The following RYK variants were observed in gnomAD, a reference collection of about 807,000 sequenced individuals.
RYK encodes the protein inactive tyrosine-protein kinase RYK.
A neutral mutation model predicts 70.2 loss-of-function variants in RYK; 21 were observed. That is an observed-to-expected ratio of 0.30 (90% CI 0.21 to 0.43). RYK has a LOEUF of 0.43. Ranked by LOEUF, RYK falls within the 20% of genes least tolerant of loss-of-function variation. The probability of loss-of-function intolerance (pLI) is 1.00; values close to 1 mark genes in which losing one functional copy is unlikely to be tolerated. For synonymous variants in RYK, 267 were observed against 278.0 expected (o/e 0.96, Z 0.39); for missense variants, 604 against 753.3 (o/e 0.80, Z 2.32).
intron 12 of RYK, 30 bp from the exon 13 acceptor site, chr3:134,175,798 C>A: frequency 6.2e-7 from 1 of 1,611,246 alleles, no homozygotes; most frequent in South Asian, 1.1e-5. Flanking sequence ...ACATCAAATG[C>A]AATCAGAGTA....
intron 1 of RYK, among the ~76,000 whole-genome samples, chr3:134,229,354 TCTCTCCCTTG>T (rs2014995384): frequency 8.6e-6 from 1 of 115,686 alleles, no homozygotes; most frequent in Non-Finnish European, 1.7e-5. Context: ...TCTCCTTCCC[TCTCTCCCTTG>T]CTCTCCTTTG....
intron 6 of RYK, among the ~76,000 whole-genome samples, chr3:134,200,429 C>A (rs189291031): frequency 1.2e-4 from 19 of 152,168 alleles, no homozygotes; most frequent in Admixed American, 2.0e-4. Context: ...CCGGACACAT[C>A]TGAACATCTG....
chr3:134,243,452 C>T (rs867910816), intron 1 of RYK, among the ~76,000 whole-genome samples: 2 of 152,204 alleles, frequency 1.3e-5, no homozygotes, highest in Non-Finnish European at 2.9e-5. Flanking sequence ...TAACCCAGAC[C>T]TGACTGCGCA....
chr3:134,175,540 A>C, intron 13 of RYK, 69 bp downstream of exon 13: 1 of 1,529,984 alleles, frequency 6.5e-7, no homozygotes, highest in Non-Finnish European at 8.8e-7. Context: ...AAAGATAAAA[A>C]TAGTAGAACA....
intron 2 of RYK, among the ~76,000 whole-genome samples, chr3:134,216,451 G>C (rs1560020155): frequency 6.6e-6 from 1 of 152,070 alleles, no homozygotes; most frequent in Non-Finnish European, 1.5e-5. Context: ...TGGGTAGTGG[G>C]AATATTCTGC....
At chr3:134,228,653 A>G (rs2014972992) in intron 1 of RYK, among the ~76,000 whole-genome samples, 1 of 152,228 alleles carries the variant, frequency 6.6e-6, no homozygotes, top group South Asian at 2.1e-4. Flanking sequence ...AAGAAAAAAA[A>G]AGTTGATATC....
intron 6 of RYK, chr3:134,202,447 T>C (rs1366249311): frequency 6.7e-6 from 2 of 300,526 alleles, no homozygotes; most frequent in East Asian, 1.7e-4. Context: ...GAAAAGGCAA[T>C]GGTCTGAGGT....
chr3:134,167,864 T>A (rs1055159327), intron 13 of RYK, among the ~76,000 whole-genome samples: 12 of 152,078 alleles, frequency 7.9e-5, no homozygotes, highest in African/African-American at 2.9e-4. Flanking sequence ...AAAATTTTTG[T>A]AATCTACTCA....
intron 13 of RYK, among the ~76,000 whole-genome samples, chr3:134,167,636 A>C (rs2012724905): frequency 1.3e-5 from 2 of 152,256 alleles, no homozygotes. Context: ...AGATGGATTA[A>C]AGACTTAAAT....
intron 10 of RYK, 38 bp from the exon 11 acceptor site, chr3:134,178,111 A>G: frequency 6.9e-7 from 1 of 1,456,132 alleles, no homozygotes; most frequent in Non-Finnish European, 9.3e-7. Flanking sequence ...AGACAAAGGA[A>G]TCCAAAATGT....
intron 4 of RYK, among the ~76,000 whole-genome samples, chr3:134,208,925 T>TCC (rs147886705): frequency 1.3e-5 from 2 of 150,322 alleles, no homozygotes; most frequent in South Asian, 2.1e-4. Context: ...AAAGTATATT[T>TCC]CCCCCCCCCA....
chr3:134,204,596 CACACACACACA>C (rs1237499902), intron 5 of RYK, among the ~76,000 whole-genome samples: 3 of 84,694 alleles, frequency 3.5e-5, no homozygotes, highest in Non-Finnish European at 7.5e-5. Flanking sequence ...CACAGCCACA[CACACACACACA>C]CACACACACA....
chr3:134,159,170 T>C lies in RYK; in HGVS notation c.1712+67A>G, dbSNP rs980547589. The C allele has an allele frequency of 5.9e-5, 89 of 1,518,712 alleles. No homozygotes were observed. The East Asian group carries it at 1.9e-3, about 33-fold the overall frequency. The allele number at this position is 1,518,712 out of a possible 1,614,324, so 94.1% of individuals were successfully genotyped here. On this transcript the variant is annotated intron_variant, in intron 14 of 14. Transcript: ENST00000623711. ...GCTCTGTGTGAATATGGAAACCTGC[T>C]CTTTTTCCTTTATTCCAATATAGTA... is the stretch of plus-strand genomic sequence containing the variant.
At chr3:134,246,885 G>A (rs116294625) in intron 1 of RYK, among the ~76,000 whole-genome samples, 3,178 of 152,044 alleles carry the variant, frequency 0.021, 105 homozygotes, top group African/African-American at 0.072. Context: ...AAAAATAATC[G>A]TACTATCTAG....
rs573507958 is a variant in RYK, at chr3:134,191,955, T to C, written c.909A>G (p.Ile303Met). The change falls in exon 8 of 15, where the codon ATA becomes ATG. Residue 303 changes from isoleucine (I) to methionine (M), a missense_variant. By Grantham distance (10) the Ile-to-Met change is conservative. Transcript: ENST00000623711. ...TGACACTTCTCAAGTCGTTCTTCTC[T>C]ATCCGCAAGGTAGGATAACCTAAGG... The part of the protein sequence containing the change: ...TPITSYPTLR[I>M]EKNDLRSVTL... The C allele has an allele frequency of 3.1e-6, 5 of 1,613,316 alleles. No homozygotes were observed. Among genetic ancestry groups the C allele is most frequent in the East Asian group, 4.5e-5 (2 of 44,838 alleles).
chr3:134,234,825 C>G (rs141407266), intron 1 of RYK, among the ~76,000 whole-genome samples: 255 of 152,162 alleles, frequency 1.7e-3, no homozygotes, highest in African/African-American at 5.8e-3. Flanking sequence ...CATCACTGTT[C>G]TGTATCAAAC....
intron 9 of RYK, among the ~76,000 whole-genome samples, chr3:134,186,029 G>A (rs1436102057): frequency 1.3e-5 from 2 of 152,044 alleles, no homozygotes; most frequent in African/African-American, 4.8e-5. Flanking sequence ...GTACACATTT[G>A]AAAAGGGTAC....
In RYK at chr3:134,183,078, A is replaced by G. The variant is rs2013352555; in HGVS notation, c.1103-7T>C. On this transcript the variant is annotated splice_region_variant and splice_polypyrimidine_tract_variant and intron_variant, in intron 9 of 14. Coordinates refer to ENST00000623711, the MANE Select transcript of RYK (RefSeq NM_002958.4). The stretch of plus-strand genomic sequence containing the variant: ...TGAATTTCAGAAGCTTGATCTATAT[A>G]TAAAGAAAAGAAAATGTCTTGAATA... The G allele has an allele frequency of 6.5e-7, 1 of 1,542,584 alleles. No individual in the cohort carries two copies. Among genetic ancestry groups the G allele is most frequent in the South Asian group, 1.2e-5 (1 of 81,842 alleles).
intron 1 of RYK, among the ~76,000 whole-genome samples, chr3:134,240,059 C>A (rs1164590673): frequency 6.6e-6 from 1 of 152,164 alleles, no homozygotes; most frequent in African/African-American, 2.4e-5. Flanking sequence ...AGAGTCTCTA[C>A]ATATACATTT....
Sources: allele counts gnomAD v4.1 joint callset (sites outside exome capture counted in the v4.1 genomes callset), GRCh38; gene constraint gnomAD v4.1.1; transcripts MANE v1.5; gene names NCBI Gene and HGNC (gene_info 2026-07-23, HGNC 2026-07-21).